Variants in CEP85L observed in about 807,000 individuals in gnomAD.
CEP85L encodes centrosomal protein 85L.
Under a neutral mutation model 100.3 loss-of-function variants are expected in CEP85L, and 60 were observed. The ratio of observed to expected loss-of-function variants is 0.60; its 90% CI spans 0.49 to 0.74. The LOEUF (loss-of-function observed/expected upper bound fraction) is 0.74. CEP85L is among the 30% of genes least tolerant of loss of function. The pLI, the probability that CEP85L is intolerant of heterozygous loss-of-function variation, is 0.00. For missense variants in CEP85L, 973 were observed against 936.2 expected (o/e 1.04, Z -0.51); for synonymous variants, 319 against 322.7 (o/e 0.99, Z 0.12).
intron 2 of CEP85L, among the ~76,000 whole-genome samples, chr6:118,612,243 G>A (rs1194627918): frequency 6.7e-6 from 1 of 150,312 alleles, no homozygotes; most frequent in Non-Finnish European, 1.5e-5. Context: ...AAGCAAAGAG[G>A]AAGTCATAAG....
At chr6:118,547,452 A>G (rs1778272901) in intron 3 of CEP85L, among the ~76,000 whole-genome samples, 1 of 152,102 alleles carries the variant, frequency 6.6e-6, no homozygotes, top group East Asian at 1.9e-4. Context: ...TCATTAACTG[A>G]GATGTAACTG....
chr6:118,577,927 GCTTATAGAAAAAGC>G, intron 2 of CEP85L, among the ~76,000 whole-genome samples: 1 of 152,258 alleles, frequency 6.6e-6, no homozygotes, highest in Admixed American at 6.5e-5. Context: ...TAGTGCAAAG[GCTTATAGAAAAAGC>G]CTTCACCAAA....
At chr6:118,552,307 A>G (rs762614530) in intron 3 of CEP85L, among the ~76,000 whole-genome samples, 2 of 152,108 alleles carry the variant, frequency 1.3e-5, no homozygotes, top group Non-Finnish European at 2.9e-5. Flanking sequence ...CTGAAGTTTG[A>G]GAAGTTCTGC....
chr6:118,501,513 C>G (rs1775299226), intron 5 of CEP85L: 1 of 478,822 alleles, frequency 2.1e-6, no homozygotes, highest in Non-Finnish European at 4.1e-6. Flanking sequence ...CCTGGCTACT[C>G]CATCATCATT....
rs114761584 is a variant in CEP85L, at chr6:118,497,990, A to G, written c.1258-6125T>C. Among the ~76,000 whole-genome samples the G allele has an allele frequency of 9.5e-4, 144 of 152,350 alleles. 1 individual carries two copies. The highest frequency in any genetic ancestry group is 3.3e-3 in the African/African-American group (136 of 41,572). On this transcript the variant is annotated intron_variant, in intron 5 of 12. Transcript: ENST00000368491. Reference sequence around the variant, plus strand: ...GACTGATAACAATGATACAAGGATGAGAAGGAAGATGGAGGAATTAGAAGT... The same window carrying G: ...GACTGATAACAATGATACAAGGATGGGAAGGAAGATGGAGGAATTAGAAGT...
rs1374858367 is a variant in CEP85L at position 118,481,776 on chromosome 6, T to C, written c.1745+3A>G. 1 of 1,524,628 alleles carries C rather than the reference T, an allele frequency of 6.6e-7. No homozygotes were observed. The highest frequency in any genetic ancestry group is 8.8e-7 in the Non-Finnish European group (1 of 1,137,598). The allele number at this position is 1,524,628 out of a possible 1,614,324, so 94.4% of individuals were successfully genotyped here. On this transcript the variant is annotated splice_donor_region_variant and intron_variant, in intron 8 of 12. Coordinates refer to ENST00000368491, the MANE Select transcript of CEP85L (RefSeq NM_001042475.3). ...TGTAGAAGGATTCAGAAAATTTTCT[T>C]ACCTCTGAACGGTAGTTACTAACTC...
At chr6:118,516,227 C>T (rs1028099803) in intron 4 of CEP85L, among the ~76,000 whole-genome samples, 65 of 152,124 alleles carry the variant, frequency 4.3e-4, no homozygotes, top group Non-Finnish European at 2.9e-4. Context: ...GTGCATCTGT[C>T]TTTATAGGAG....
At chr6:118,662,621 A>G (rs562670985) in intron 1 of CEP85L, among the ~76,000 whole-genome samples, 37 of 152,298 alleles carry the variant, frequency 2.4e-4, no homozygotes, top group Admixed American at 5.9e-4. Context: ...GCCAGGAGAC[A>G]TAGTTAATTA....
In CEP85L at chr6:118,630,860, C is replaced by G. The variant is rs139085375; in HGVS notation, c.232+1593G>C. ...GTCAGATCAATGGCAGCATTAAATT[C>G]TCATAGAAGCACAAACCCACTGCAC... is the stretch of plus-strand genomic sequence containing the variant. On this transcript the variant is annotated intron_variant, in intron 2 of 12. Coordinates refer to ENST00000368491, the MANE Select transcript of CEP85L (RefSeq NM_001042475.3). Among the ~76,000 whole-genome samples, 531 of 152,308 alleles carry G rather than the reference C, an allele frequency of 3.5e-3. 5 individuals are homozygous for G. The highest frequency in any genetic ancestry group is 0.012 in the African/African-American group (503 of 41,550).
chr6:118,630,165 T>C (rs1562323369), intron 2 of CEP85L, among the ~76,000 whole-genome samples: 1 of 152,228 alleles, frequency 6.6e-6, no homozygotes, highest in Non-Finnish European at 1.5e-5. Context: ...GTATTTTACA[T>C]ATGAGTAAAC....
rs187097553 is a variant in CEP85L, at chr6:118,586,122, C to T, written c.233-19806G>A. ...TATCATCTCCATTGGGCTTAGAGAC[C>T]CTAATCCTCAGGAAAGGTAGAGAAA... On this transcript the variant is annotated intron_variant, in intron 2 of 12. Coordinates refer to ENST00000368491, the MANE Select transcript of CEP85L (RefSeq NM_001042475.3). 2.6e-3 allele frequency among the ~76,000 whole-genome samples: 400 copies of T among 152,020 alleles called. 2 individuals carry two copies. Among genetic ancestry groups the T allele is most frequent in the Non-Finnish European group, 4.3e-3 (294 of 67,970 alleles).
rs934548920 is a variant in CEP85L, at chr6:118,535,725, G to A, written c.1021-11805C>T. Among the ~76,000 whole-genome samples the A allele has an allele frequency of 3.9e-5, 6 of 152,194 alleles. No homozygotes were observed. The South Asian group carries it at 6.2e-4, about 16-fold the overall frequency. ...GGTTAAAGGACCAACTCTCAGTATCGCAGTATTTGTGTTCCAGTAATCCTT... is the reference window on the plus strand; with the variant it reads ...GGTTAAAGGACCAACTCTCAGTATCACAGTATTTGTGTTCCAGTAATCCTT... On this transcript the variant is annotated intron_variant, in intron 3 of 12. Transcript: ENST00000368491.
chr6:118,580,562 A>G (rs1320552974), intron 2 of CEP85L, among the ~76,000 whole-genome samples: 1 of 152,182 alleles, frequency 6.6e-6, no homozygotes, highest in Non-Finnish European at 1.5e-5. Context: ...GAACCCCCCA[A>G]TACCCACAGG....
intron 4 of CEP85L, among the ~76,000 whole-genome samples, chr6:118,512,672 A>C (rs571153756): frequency 9.1e-4 from 138 of 152,264 alleles, no homozygotes; most frequent in African/African-American, 3.2e-3. Flanking sequence ...TGAGGCTGAG[A>C]AACCCAGGGT....
At chr6:118,623,988 G>A (rs1039542128) in intron 2 of CEP85L, among the ~76,000 whole-genome samples, 4 of 151,990 alleles carry the variant, frequency 2.6e-5, no homozygotes, top group Non-Finnish European at 5.9e-5. Flanking sequence ...TGGAATCCTG[G>A]ATTCACCACA....
intron 5 of CEP85L, among the ~76,000 whole-genome samples, chr6:118,510,902 T>TA (rs1221045931): frequency 6.6e-6 from 1 of 152,086 alleles, no homozygotes; most frequent in Non-Finnish European, 1.5e-5. Context: ...AAAGGGGTGT[T>TA]ATCTAGGTAA....
At chr6:118,541,767 C>G (rs545424892) in intron 3 of CEP85L, among the ~76,000 whole-genome samples, 1 of 152,298 alleles carries the variant, frequency 6.6e-6, no homozygotes, top group South Asian at 2.1e-4. Flanking sequence ...GCCACTTGAT[C>G]TTAACTAAAA....
intron 3 of CEP85L, among the ~76,000 whole-genome samples, chr6:118,524,665 T>C (rs564498762): frequency 6.6e-6 from 1 of 152,354 alleles, no homozygotes; most frequent in Non-Finnish European, 1.5e-5. Flanking sequence ...CATCACATCA[T>C]CATTTAGTTA....
chr6:118,617,835 T>C (rs1045746213), intron 2 of CEP85L, among the ~76,000 whole-genome samples: 2 of 152,128 alleles, frequency 1.3e-5, no homozygotes, highest in African/African-American at 4.8e-5. Flanking sequence ...AGGAAGAGCA[T>C]CCCAACTGCC....
Sources: gnomAD v4.1 joint callset for allele counts (sites outside exome capture counted in the v4.1 genomes callset) on GRCh38, gnomAD v4.1.1 for gene constraint, MANE v1.5 for transcripts, NCBI Gene and HGNC (gene_info 2026-07-23, HGNC 2026-07-21) for gene names.